Variants in DCAF6 observed in about 807,000 individuals in gnomAD.
DCAF6 encodes DDB1- and CUL4-associated factor 6.
DCAF6 carries 54 observed loss-of-function variants against 125.1 expected under a neutral mutation model. The observed-to-expected ratio is 0.43, with a 90% CI of 0.35 to 0.54. The LOEUF is 0.54. DCAF6 is among the 20% of genes least tolerant of loss of function. The pLI, the probability that DCAF6 is intolerant of heterozygous loss-of-function variation, is 0.01. For missense variants in DCAF6, 934 were observed against 1,161.7 expected, an observed-to-expected ratio of 0.80 and a Z score of 2.85; for synonymous variants, 371 against 390.4, an observed-to-expected ratio of 0.95 and a Z score of 0.58.
intron 10 of DCAF6, among the ~76,000 whole-genome samples, chr1:168,006,534 A>G (rs931911777): frequency 2.6e-5 from 4 of 152,138 alleles, no homozygotes; most frequent in African/African-American, 9.7e-5. Flanking sequence ...CAGCTTTTTC[A>G]TTATTCTGGA....
At chr1:167,913,282 T>C in the DCAF6 span, among the ~76,000 whole-genome samples, 1 of 152,114 alleles carries the variant, frequency 6.6e-6, no homozygotes, top group Non-Finnish European at 1.5e-5. Flanking sequence ...TACCCAAAAA[T>C]GAAAAGAGAA....
chr1:167,895,383 T>A, the DCAF6 span, among the ~76,000 whole-genome samples: 2 of 152,034 alleles, frequency 1.3e-5, no homozygotes, highest in African/African-American at 4.8e-5. Flanking sequence ...TTGTACAGTC[T>A]CCCCACTCCC....
At chr1:167,985,454 C>A (rs1679865271) in intron 4 of DCAF6, among the ~76,000 whole-genome samples, 1 of 152,094 alleles carries the variant, frequency 6.6e-6, no homozygotes, top group South Asian at 2.1e-4. Context: ...ATCTTGAGAT[C>A]TCTTTCTTTT....
intron 17 of DCAF6, among the ~76,000 whole-genome samples, chr1:168,051,789 T>G (rs1342337290): frequency 6.6e-6 from 1 of 152,070 alleles, no homozygotes; most frequent in African/African-American, 2.4e-5. Flanking sequence ...CTTCTCAAAC[T>G]TGTTTTGTTT....
chr1:168,038,068 A>G (rs1003269743), intron 12 of DCAF6, among the ~76,000 whole-genome samples: 2 of 152,224 alleles, frequency 1.3e-5, no homozygotes. Flanking sequence ...GTTTGTAACT[A>G]TGTCATTGCA....
chr1:167,987,517 C>G lies in DCAF6; in HGVS notation c.461C>G (p.Pro154Arg). 1 of 1,595,970 alleles carries G rather than the reference C, an allele frequency of 6.3e-7. No homozygotes were observed. The highest frequency in any genetic ancestry group is 8.6e-7 in the Non-Finnish European group (1 of 1,165,876). Residue 154 changes from proline (P) to arginine (R), a missense_variant, in exon 5 of 22, where the codon CCT becomes CGT. This residue lies in a region of DCAF6 where 309 missense variants were observed against 381.2 expected (regional missense o/e 0.81). Coordinates refer to ENST00000367840, the MANE Select transcript of DCAF6 (RefSeq NM_001198956.2). ...CAGATTATGACTGTACCCAATGACCCTTACACTTTTCTCTCTTGTGGTGAA... is the reference window on the plus strand; with the variant it reads ...CAGATTATGACTGTACCCAATGACCGTTACACTTTTCTCTCTTGTGGTGAA... ...TYEIMTVPNDPYTFLSCGEDG... is the reference protein window; with the variant it reads ...TYEIMTVPNDRYTFLSCGEDG...
At chr1:167,899,689 A>T in the DCAF6 span, 5 of 1,535,372 alleles carry the variant, frequency 3.3e-6, no homozygotes, top group Non-Finnish European at 4.5e-6. Context: ...CCAGCAGCAC[A>T]GGTTTTTGGA....
chr1:167,964,254 A>G (rs530916253), intron 2 of DCAF6, among the ~76,000 whole-genome samples: 5 of 152,228 alleles, frequency 3.3e-5, no homozygotes, highest in East Asian at 1.9e-4. Flanking sequence ...AATTCCCTCA[A>G]TGTTAATTTA....
chr1:168,063,369 A>G (rs1004130347), intron 17 of DCAF6, among the ~76,000 whole-genome samples: 3 of 152,132 alleles, frequency 2.0e-5, no homozygotes, highest in African/African-American at 7.2e-5. Context: ...AGTTTGCCGC[A>G]TGCTATTGCC....
chr1:168,044,782 T>A, intron 15 of DCAF6, 111 bp downstream of exon 15: 1 of 1,424,078 alleles, frequency 7.0e-7, no homozygotes, highest in East Asian at 2.3e-5. Flanking sequence ...GGAAGTTTCC[T>A]CCCCTTATAG....
chr1:168,023,221 A>C, intron 12 of DCAF6, 174 bp downstream of exon 12: 1 of 649,028 alleles, frequency 1.5e-6, no homozygotes, highest in African/African-American at 1.8e-5. Flanking sequence ...TTTTTGGCCT[A>C]TACAGATTAT....
chr1:167,907,743 T>C, the DCAF6 span, among the ~76,000 whole-genome samples: 2 of 152,242 alleles, frequency 1.3e-5, no homozygotes, highest in Admixed American at 6.5e-5. Flanking sequence ...TTGGAAGAGT[T>C]ATTAAACTTT....
intron 12 of DCAF6, among the ~76,000 whole-genome samples, chr1:168,030,529 CACTT>C (rs1203364076): frequency 1.3e-5 from 2 of 152,166 alleles, no homozygotes; most frequent in Non-Finnish European, 2.9e-5. Context: ...GAGACTGAAT[CACTT>C]ACGAAGTTCT....
intron 10 of DCAF6, among the ~76,000 whole-genome samples, chr1:168,007,378 G>C (rs1683475087): frequency 6.6e-6 from 1 of 151,754 alleles, no homozygotes; most frequent in African/African-American, 2.4e-5. Context: ...TTCAGCTATT[G>C]CCTTATTTCT....
At chr1:168,070,290 CT>C (rs1281023330) in intron 21 of DCAF6, among the ~76,000 whole-genome samples, 1 of 151,914 alleles carries the variant, frequency 6.6e-6, no homozygotes, top group Non-Finnish European at 1.5e-5. Context: ...CTGCCCTTAT[CT>C]TTAAGATATC....
chr1:168,002,682 T>C (rs1051513048), intron 8 of DCAF6, 107 bp downstream of exon 8: 7 of 768,890 alleles, frequency 9.1e-6, no homozygotes, highest in South Asian at 2.1e-5. Context: ...AACATTCTTA[T>C]ACATATAGGT....
intron 1 of DCAF6, among the ~76,000 whole-genome samples, chr1:167,946,903 G>T (rs1655291965): frequency 6.6e-6 from 1 of 152,114 alleles, no homozygotes; most frequent in South Asian, 2.1e-4. Context: ...ATAAGTTAGG[G>T]AGAGGCCTGT....
chr1:167,991,276 G>A lies in DCAF6; in HGVS notation c.625G>A (p.Val209Ile), dbSNP rs1557941203. 2 of 1,613,600 alleles carry A rather than the reference G, an allele frequency of 1.2e-6. No homozygotes were observed. The highest frequency in any genetic ancestry group is 8.5e-7 in the Non-Finnish European group (1 of 1,179,878). Residue 209 changes from valine to isoleucine, a missense_variant, in exon 6 of 22, where the codon GTT (valine) becomes ATT (isoleucine). Physicochemically the swap from Val to Ile is conservative, Grantham distance 29. Coordinates refer to ENST00000367840, the MANE Select transcript of DCAF6 (RefSeq NM_001198956.2). ...CCCACCAATACCATATTACCTTGCTGTTGGTTGTTCTGACAGCTCAGTACG... is the reference window on the plus strand; with the variant it reads ...CCCACCAATACCATATTACCTTGCTATTGGTTGTTCTGACAGCTCAGTACG... ...ICPPIPYYLA[V>I]GCSDSSVRIY...
the DCAF6 span, chr1:167,875,312 T>G: frequency 1.0e-6 from 1 of 961,492 alleles, no homozygotes; most frequent in East Asian, 2.5e-5. Flanking sequence ...ATCCCCTGAC[T>G]CACGGGTCGC....
Sources: gnomAD v4.1 joint callset for allele counts (sites outside exome capture counted in the v4.1 genomes callset) on GRCh38, gnomAD v4.1.1 for gene constraint, gnomAD v4.1.1 regional missense constraint, MANE v1.5 for transcripts, NCBI Gene and HGNC (gene_info 2026-07-23, HGNC 2026-07-21) for gene names.